Variants in MCTP2 observed in about 807,000 individuals in gnomAD.
The protein encoded by MCTP2 is multiple C2 and transmembrane domain-containing protein 2.
A neutral mutation model predicts 111.6 loss-of-function variants in MCTP2; 132 were observed. That is an observed-to-expected ratio of 1.18 (90% CI 1.03 to 1.37). The LOEUF is 1.37. MCTP2 is among the 40% of genes most tolerant of loss of function. The pLI is 0.00. For synonymous variants in MCTP2, 395 were observed against 387.7 expected (o/e 1.02, Z -0.22); for missense variants, 1,183 against 1,067.9 (o/e 1.11, Z -1.50).
chr15:94,400,601 C>CTT (rs34352208), intron 16 of MCTP2, among the ~76,000 whole-genome samples: 16 of 136,512 alleles, frequency 1.2e-4, no homozygotes, highest in Non-Finnish European at 1.4e-4. Flanking sequence ...GGAAGTTTCA[C>CTT]TTTTTTTTTT....
At chr15:94,288,412 A>G (rs1028240105) in intron 1 of MCTP2, among the ~76,000 whole-genome samples, 1 of 152,210 alleles carries the variant, frequency 6.6e-6, no homozygotes, top group Non-Finnish European at 1.5e-5. Context: ...GTGGAACTCC[A>G]CTCAAGTCCC....
chr15:94,348,054 TCTTTTG>T (rs1193964026), intron 8 of MCTP2, among the ~76,000 whole-genome samples: 1 of 152,184 alleles, frequency 6.6e-6, no homozygotes, highest in African/African-American at 2.4e-5. Context: ...ACGTAGCCTC[TCTTTTG>T]ACCCTCTGTT....
At chr15:94,360,297 G>T (rs1403920086) in intron 10 of MCTP2, among the ~76,000 whole-genome samples, 3 of 152,116 alleles carry the variant, frequency 2.0e-5, no homozygotes, top group Non-Finnish European at 4.4e-5. Context: ...TGGTCCTGTG[G>T]TCCAGTCTTC....
intron 1 of MCTP2, among the ~76,000 whole-genome samples, chr15:94,245,243 TAC>T (rs1331794829): frequency 4.3e-5 from 6 of 140,796 alleles, no homozygotes; most frequent in African/African-American, 1.3e-4. Context: ...TATGTATATA[TAC>T]ACATATGTAT....
chr15:94,355,460 A>G (rs980476681), intron 8 of MCTP2, among the ~76,000 whole-genome samples: 21 of 152,216 alleles, frequency 1.4e-4, no homozygotes, highest in African/African-American at 5.1e-4. Context: ...CAAGGTATGT[A>G]TGAGTGTGAG....
At chr15:94,274,315 G>T (rs57549516) in intron 1 of MCTP2, among the ~76,000 whole-genome samples, 4,557 of 152,160 alleles carry the variant, frequency 0.03, 230 homozygotes, top group African/African-American at 0.1. Context: ...CAAGCAAAAG[G>T]TATGGTCTGA....
chr15:94,297,382 A>G (rs1465230129), intron 1 of MCTP2, among the ~76,000 whole-genome samples: 1 of 152,170 alleles, frequency 6.6e-6, no homozygotes, highest in Non-Finnish European at 1.5e-5. Context: ...TTCTCAGGCT[A>G]CATCTCAGAA....
chr15:94,390,145 T>A (rs2080869851), intron 14 of MCTP2, among the ~76,000 whole-genome samples: 1 of 95,448 alleles, frequency 1.0e-5, no homozygotes, highest in Non-Finnish European at 2.7e-5. Flanking sequence ...TAGATGTTTA[T>A]CATAATTGAA....
chr15:94,344,200 C>G (rs1385528100), intron 7 of MCTP2: 2 of 152,136 alleles, frequency 1.3e-5, no homozygotes, highest in African/African-American at 4.8e-5. Flanking sequence ...CATTTCTGTA[C>G]CAACATTTCT....
chr15:94,477,601 C>T (rs890893407), intron 22 of MCTP2, among the ~76,000 whole-genome samples: 1 of 152,142 alleles, frequency 6.6e-6, no homozygotes, highest in African/African-American at 2.4e-5. Flanking sequence ...AAGACACAAT[C>T]CTTTAATATC....
intron 9 of MCTP2, among the ~76,000 whole-genome samples, chr15:94,357,768 G>T (rs1319850623): frequency 6.6e-6 from 1 of 152,110 alleles, no homozygotes; most frequent in Non-Finnish European, 1.5e-5. Context: ...CAACATTCTT[G>T]CTCACTTTGT....
At chr15:94,277,565 T>A (rs1309399389) in intron 1 of MCTP2, among the ~76,000 whole-genome samples, 1 of 152,170 alleles carries the variant, frequency 6.6e-6, no homozygotes, top group Non-Finnish European at 1.5e-5. Context: ...AGTAAGTTAG[T>A]CTGAAAAGGC....
At position 94,353,983 on chromosome 15, in the gene MCTP2, T is replaced by C. The variant is rs1282259971; in HGVS notation, c.1006-2154T>C. Among the ~76,000 whole-genome samples, 3 of 151,026 alleles carry C rather than the reference T, an allele frequency of 2.0e-5. No individual in the cohort carries two copies. The Admixed American group carries it at 2.0e-4, about 10-fold the overall frequency. On this transcript the variant is annotated intron_variant, in intron 8 of 22. Coordinates refer to ENST00000357742, the MANE Select transcript of MCTP2 (RefSeq NM_001385001.1). ...TATTAACTGTTTCATAAACCTTTAT[T>C]GAGTATATCTGGAATATGTTATTTT... is the stretch of plus-strand genomic sequence containing the variant.
chr15:94,362,262 T>C (rs2078980391), intron 10 of MCTP2, among the ~76,000 whole-genome samples: 1 of 152,346 alleles, frequency 6.6e-6, no homozygotes, highest in African/African-American at 2.4e-5. Context: ...AGAGTATGAA[T>C]ATAGAGTAAT....
At position 94,476,754 on chromosome 15, in the gene MCTP2, A is replaced by C. The variant is rs747469928; in HGVS notation, c.2529A>C (p.Leu843=). The change falls in exon 22 of 23, where the codon CTA becomes CTC. Residue 843 remains leucine (L), a synonymous_variant. Transcript: ENST00000357742. ...RNPYSIDNNE[L]LDFLSRVPSD... Reference sequence around the variant, plus strand: ...CCTATTCCATCGACAATAATGAGCTACTAGACTTCCTCTCTAGGGTACCGT... The same window carrying C: ...CCTATTCCATCGACAATAATGAGCTCCTAGACTTCCTCTCTAGGGTACCGT... 6.2e-7 allele frequency: 1 copy of C among 1,609,478 alleles called. No individual in the cohort carries two copies. Among genetic ancestry groups the C allele is most frequent in the Non-Finnish European group, 8.5e-7 (1 of 1,175,898 alleles).
chr15:94,344,876 G>T (rs1365959286), intron 7 of MCTP2, among the ~76,000 whole-genome samples: 2 of 152,162 alleles, frequency 1.3e-5, no homozygotes, highest in African/African-American at 4.8e-5. Flanking sequence ...AGATTGAACA[G>T]TATTTTTATG....
intron 17 of MCTP2, among the ~76,000 whole-genome samples, chr15:94,428,397 T>A (rs1346884459): frequency 6.6e-6 from 1 of 152,220 alleles, no homozygotes; most frequent in Admixed American, 6.5e-5. Flanking sequence ...TGAACTATTT[T>A]TTCTCTCTAG....
At chr15:94,287,682 C>T (rs1276102665) in intron 1 of MCTP2, among the ~76,000 whole-genome samples, 1 of 152,178 alleles carries the variant, frequency 6.6e-6, no homozygotes, top group East Asian at 1.9e-4. Context: ...AGTAAAGCTA[C>T]AGCTTCGACA....
intron 1 of MCTP2, among the ~76,000 whole-genome samples, chr15:94,268,867 A>G (rs879923356): frequency 3.4e-5 from 5 of 147,030 alleles, no homozygotes; most frequent in Non-Finnish European, 7.5e-5. Context: ...CTTTTTGTAT[A>G]TTATTGGTAG....
Sources: gnomAD v4.1 joint callset for allele counts (sites outside exome capture counted in the v4.1 genomes callset) on GRCh38, gnomAD v4.1.1 for gene constraint, MANE v1.5 for transcripts, NCBI Gene and HGNC (gene_info 2026-07-23, HGNC 2026-07-21) for gene names.